TRIM5: variants seen among roughly 807,000 people sequenced by gnomAD.
The protein encoded by TRIM5 is tripartite motif containing 5.
Under a neutral mutation model 35.6 loss-of-function variants are expected in TRIM5, and 31 were observed. The observed-to-expected ratio is 0.87, with a 90% CI of 0.65 to 1.18. The LOEUF (loss-of-function observed/expected upper bound fraction) is 1.18. TRIM5 is among the 50% of genes most tolerant of loss of function. The probability of loss-of-function intolerance (pLI) is 0.00; values close to 1 mark genes in which losing one functional copy is unlikely to be tolerated. For missense variants in TRIM5, 609 were observed against 591.6 expected (o/e 1.03, Z -0.31); for synonymous variants, 243 against 215.6 (o/e 1.13, Z -1.11).
At chr11:5,661,843 A>T (rs1430722798), downstream of TRIM5, among the ~76,000 whole-genome samples, 3 of 152,170 alleles carry the variant, frequency 2.0e-5, no homozygotes, top group Non-Finnish European at 4.4e-5. Context: ...GTTTGAAAAA[A>T]TCCTTCAGTG....
At chr11:5,629,801 G>A in the TRIM5 span, among the ~76,000 whole-genome samples, 37 of 152,106 alleles carry the variant, frequency 2.4e-4, 1 homozygote, top group Non-Finnish European at 1.9e-4. Context: ...TCTGCCTCCC[G>A]GGTTCACGCC....
At chr11:5,642,679 C>G in the TRIM5 span, 14 of 1,317,888 alleles carry the variant, frequency 1.1e-5, no homozygotes, top group Non-Finnish European at 1.4e-5. Context: ...ATGGCTAGGT[C>G]TCTGGTTTAT....
Position 5,665,294 on chromosome 11 carries a change from C to T in TRIM5, c.997G>A (p.Gly333Arg), listed in dbSNP as rs1851045466. 1 of 1,614,034 alleles carries T rather than the reference C, an allele frequency of 6.2e-7. No homozygotes were observed. The highest frequency in any genetic ancestry group is 1.3e-5 in the African/African-American group (1 of 74,910). ...TTCACAAATGTCTGGTATCTTGTCC[C>T]TCGTGCCCCATATATTATCTGTGGT... ...PKPQIIYGAR[G>R]TRYQTFVNFN... Residue 333 changes from glycine (G) to arginine (R), a missense_variant, in exon 8 of 8, where the codon GGG (glycine) becomes AGG (arginine). Transcript: ENST00000380034.
chr11:5,622,459 G>GA, the TRIM5 span, among the ~76,000 whole-genome samples: 1 of 133,826 alleles, frequency 7.5e-6, no homozygotes, highest in African/African-American at 2.8e-5. Flanking sequence ...AAAAAAAAAA[G>GA]AAAAAAAGAA....
At position 5,663,425 on chromosome 11, in the gene TRIM5, T is replaced by C; in HGVS notation, c.*1384A>G. The C allele has an allele frequency of 1.0e-6, 1 of 984,756 alleles. No individual in the cohort carries two copies. Among genetic ancestry groups the C allele is most frequent in the African/African-American group, 1.7e-5 (1 of 57,356 alleles). The allele number at this position is 984,756 out of a possible 1,614,324, so 61.0% of individuals were successfully genotyped here. On this transcript the variant is annotated 3_prime_UTR_variant, in exon 8 of 8. Coordinates refer to ENST00000380034, the MANE Select transcript of TRIM5 (RefSeq NM_033034.3). ...GTCATTTTGACAGTAGTATCTGAGA[T>C]CTAAAAAATGAGAATTTAGTAAATC...
chr11:5,665,171 C>G lies in TRIM5; in HGVS notation c.1120G>C (p.Gly374Arg), dbSNP rs1173962210. The G allele has an allele frequency of 6.2e-7, 1 of 1,614,022 alleles. No individual in the cohort carries two copies. The highest frequency in any genetic ancestry group is 1.7e-5 in the Admixed American group (1 of 60,002). Residue 374 changes from glycine to arginine, a missense_variant, in exon 8 of 8, where the codon GGG becomes CGG. By Grantham distance (125) the Gly-to-Arg change is moderately radical (BLOSUM62 -2). Transcript: ENST00000380034. ...TCAGGTTGGAAGCCAGCACATACCC[C>G]CAGGATCCAAGCAGTTTTCTTGGAC... is the stretch of plus-strand genomic sequence containing the variant. ...DVSKKTAWIL[G>R]VCAGFQPDAM...
At chr11:5,650,593 T>A in the TRIM5 span, among the ~76,000 whole-genome samples, 1 of 152,232 alleles carries the variant, frequency 6.6e-6, no homozygotes, top group Non-Finnish European at 1.5e-5. Flanking sequence ...GTGAAGACCA[T>A]GCACATGTGA....
At chr11:5,623,876 G>T in the TRIM5 span, among the ~76,000 whole-genome samples, 32 of 152,186 alleles carry the variant, frequency 2.1e-4, no homozygotes, top group Non-Finnish European at 3.8e-4. Flanking sequence ...GGGCAAAAAT[G>T]AAAATTGTAC....
chr11:5,643,477 A>C, the TRIM5 span: 1 of 1,614,206 alleles, frequency 6.2e-7, no homozygotes, highest in Admixed American at 1.7e-5. Flanking sequence ...GGTGTCTTTG[A>C]AGAGTCTTTG....
At chr11:5,591,753 C>T in the TRIM5 span, among the ~76,000 whole-genome samples, 1,013 of 152,148 alleles carry the variant, frequency 6.7e-3, 13 homozygotes, top group African/African-American at 0.023. Flanking sequence ...GATGCAAGGG[C>T]TCATCTGATT....
chr11:5,674,670 T>A (rs934836082), intron 4 of TRIM5, among the ~76,000 whole-genome samples: 1 of 152,244 alleles, frequency 6.6e-6, no homozygotes, highest in Admixed American at 6.5e-5. Context: ...CTACGAGCTA[T>A]CTAAATGCGA....
At chr11:5,610,873 C>T in the TRIM5 span, 3 of 1,614,192 alleles carry the variant, frequency 1.9e-6, no homozygotes, top group Non-Finnish European at 2.5e-6. Context: ...GTATCTGGAC[C>T]TTCCTGTCTG....
the TRIM5 span, among the ~76,000 whole-genome samples, chr11:5,601,743 G>T: frequency 3.3e-5 from 5 of 152,170 alleles, no homozygotes; most frequent in East Asian, 9.6e-4. Context: ...GGGCGATAGA[G>T]CAAGACTCAG....
At chr11:5,655,307 AG>A in the TRIM5 span, among the ~76,000 whole-genome samples, 1 of 152,128 alleles carries the variant, frequency 6.6e-6, no homozygotes, top group African/African-American at 2.4e-5. Flanking sequence ...ATAAAGAAAA[AG>A]ACTTCCTGCC....
the TRIM5 span, among the ~76,000 whole-genome samples, chr11:5,593,598 C>T: frequency 6.6e-6 from 1 of 152,138 alleles, no homozygotes; most frequent in Non-Finnish European, 1.5e-5. Flanking sequence ...GTTTGCTTTT[C>T]CTGAAACCTC....
At chr11:5,608,419 A>C in the TRIM5 span, 2 of 1,613,308 alleles carry the variant, frequency 1.2e-6, no homozygotes, top group Admixed American at 1.7e-5. Context: ...AACATGAGGT[A>C]GTTCCCCTGG....
intron 4 of TRIM5, among the ~76,000 whole-genome samples, chr11:5,674,814 T>A (rs537322645): frequency 1.2e-4 from 18 of 152,308 alleles, no homozygotes; most frequent in African/African-American, 4.3e-4. Context: ...CTGTATAACA[T>A]CACTTAGTAT....
the TRIM5 span, chr11:5,612,830 C>T: frequency 6.6e-6 from 1 of 152,144 alleles, no homozygotes; most frequent in Admixed American, 6.5e-5. Context: ...AAAATATATA[C>T]CAGATTTCAA....
the TRIM5 span, among the ~76,000 whole-genome samples, chr11:5,622,537 G>A: frequency 1.3e-5 from 2 of 152,066 alleles, no homozygotes; most frequent in South Asian, 2.1e-4. Flanking sequence ...TAGGAGAATC[G>A]AACCTGGGAG....
Sources: gnomAD v4.1 joint callset for allele counts (sites outside exome capture counted in the v4.1 genomes callset) on GRCh38, gnomAD v4.1.1 for gene constraint, MANE v1.5 for transcripts, NCBI Gene and HGNC (gene_info 2026-07-23, HGNC 2026-07-21) for gene names.